Variants in SBSPON observed in about 807,000 individuals in gnomAD.
SBSPON encodes somatomedin-B and thrombospondin type-1 domain-containing protein.
SBSPON carries 30 observed loss-of-function variants against 35.8 expected under a neutral mutation model. The observed-to-expected ratio is 0.84, with a 90% CI of 0.63 to 1.14. The LOEUF is 1.14. Among genes scored for constraint, SBSPON ranks in the 50% most tolerant of loss-of-function variants. The pLI, the probability that SBSPON is intolerant of heterozygous loss-of-function variation, is 0.00. For missense variants in SBSPON, 364 were observed against 357.7 expected (o/e 1.02, Z -0.14); for synonymous variants, 136 against 135.9 (o/e 1.00, Z 0.00).
chr8:73,080,663 G>A (rs1029916175), intron 2 of SBSPON, among the ~76,000 whole-genome samples: 1 of 152,140 alleles, frequency 6.6e-6, no homozygotes, highest in African/African-American at 2.4e-5. Flanking sequence ...GACTCTTACT[G>A]TGCTGTGTGA....
At chr8:73,078,348 T>G (rs951351061) in intron 2 of SBSPON, among the ~76,000 whole-genome samples, 1 of 152,096 alleles carries the variant, frequency 6.6e-6, no homozygotes, top group Non-Finnish European at 1.5e-5. Flanking sequence ...GGGACCAAAG[T>G]CAGGACTGCA....
chr8:73,072,316 CAA>C (rs982802939), intron 2 of SBSPON, among the ~76,000 whole-genome samples: 1 of 151,640 alleles, frequency 6.6e-6, no homozygotes, highest in African/African-American at 2.4e-5. Context: ...AGAGAGAAGA[CAA>C]AAGAGAGTAA....
chr8:73,074,134 C>G (rs1810548151), intron 2 of SBSPON, among the ~76,000 whole-genome samples: 1 of 152,144 alleles, frequency 6.6e-6, no homozygotes, highest in Non-Finnish European at 1.5e-5. Context: ...CAATTTACTG[C>G]TAAATCCATG....
intron 1 of SBSPON, among the ~76,000 whole-genome samples, chr8:73,086,249 C>T (rs1810823459): frequency 1.3e-5 from 2 of 152,054 alleles, no homozygotes; most frequent in South Asian, 2.1e-4. Flanking sequence ...CAACCTCCGC[C>T]TCCTGAGTTC....
intron 2 of SBSPON, among the ~76,000 whole-genome samples, chr8:73,080,716 T>C (rs1339625434): frequency 2.0e-5 from 3 of 152,150 alleles, no homozygotes; most frequent in African/African-American, 7.2e-5. Flanking sequence ...CCAGCTTGAT[T>C]GAGTTCACTC....
Position 73,093,137 on chromosome 8 carries a change from G to A in SBSPON, c.-70C>T. 4.6e-6 allele frequency: 4 copies of A among 875,964 alleles called. No individual in the cohort carries two copies. Among genetic ancestry groups the A allele is most frequent in the Non-Finnish European group, 4.5e-6 (3 of 673,160 alleles). The allele number at this position is 875,964 out of a possible 1,614,324, so 54.3% of individuals were successfully genotyped here. On this transcript the variant is annotated 5_prime_UTR_variant, in exon 1 of 5. Coordinates refer to ENST00000297354, the MANE Select transcript of SBSPON (RefSeq NM_153225.4). ...CAAGCGCTCTGATCCTCGGCTGGCC[G>A]CGGCCCGGGAGCTGCCCGAGCGGCC... is the stretch of plus-strand genomic sequence containing the variant.
chr8:73,084,487 G>A (rs886776111), intron 1 of SBSPON, among the ~76,000 whole-genome samples: 5 of 152,128 alleles, frequency 3.3e-5, no homozygotes, highest in African/African-American at 7.2e-5. Flanking sequence ...CCTGGCATCT[G>A]CCTGACCTTC....
intron 2 of SBSPON, among the ~76,000 whole-genome samples, chr8:73,078,355 T>C (rs1810632909): frequency 6.6e-6 from 1 of 152,204 alleles, no homozygotes; most frequent in South Asian, 2.1e-4. Flanking sequence ...AAGTCAGGAC[T>C]GCAAATGCCA....
At chr8:73,086,352 G>A (rs925661449) in intron 1 of SBSPON, among the ~76,000 whole-genome samples, 1 of 151,984 alleles carries the variant, frequency 6.6e-6, no homozygotes, top group South Asian at 2.1e-4. Flanking sequence ...AGTAGAGATG[G>A]GGTTTTGCCA....
rs1025520977 is a variant in SBSPON, at chr8:73,064,665, C to T, written c.*2676G>A. ...TAAATTATTGCTGTTGCGGTTTATG[C>T]TTAATTGTAACATTCTCGAATAAAA... is the stretch of plus-strand genomic sequence containing the variant. On this transcript the variant is annotated 3_prime_UTR_variant, in exon 5 of 5. Transcript: ENST00000297354. 1 of 152,142 alleles carries T rather than the reference C, an allele frequency of 6.6e-6. No individual in the cohort carries two copies. The highest frequency in any genetic ancestry group is 2.4e-5 in the African/African-American group (1 of 41,428). The allele number at this position is 152,142 out of a possible 1,614,324, so 9.4% of individuals were successfully genotyped here. A position where few individuals can be genotyped will look rare whatever the true frequency, so the allele number is the denominator to read the frequency against.
At chr8:73,071,955 G>T in intron 2 of SBSPON, 85 bp from the exon 3 acceptor site, 1 of 792,094 alleles carries the variant, frequency 1.3e-6, no homozygotes. Flanking sequence ...ACCTGTCTAA[G>T]GGTCTCCATT....
At chr8:73,078,459 T>G (rs1391601232) in intron 2 of SBSPON, among the ~76,000 whole-genome samples, 1 of 152,206 alleles carries the variant, frequency 6.6e-6, no homozygotes, top group Non-Finnish European at 1.5e-5. Flanking sequence ...AGTACAGATA[T>G]GTTAAGACAC....
chr8:73,092,087 C>T (rs1810945778), intron 1 of SBSPON, among the ~76,000 whole-genome samples: 1 of 152,198 alleles, frequency 6.6e-6, no homozygotes, highest in Admixed American at 6.5e-5. Flanking sequence ...TTCAATTAAA[C>T]CAGCTTTTAT....
chr8:73,084,163 A>G (rs767780073), intron 1 of SBSPON, among the ~76,000 whole-genome samples: 1 of 152,228 alleles, frequency 6.6e-6, no homozygotes, highest in Non-Finnish European at 1.5e-5. Flanking sequence ...GTAGATTCAG[A>G]GTGCAAGAAA....
Position 73,069,956 on chromosome 8 carries a change from A to T in SBSPON, c.526T>A (p.Ser176Thr). Residue 176 changes from serine (S) to threonine (T), a missense_variant, in exon 4 of 5, where the codon TCC (serine) becomes ACC (threonine). By Grantham distance (58) the Ser-to-Thr change is moderately conservative. Transcript: ENST00000297354. The stretch of plus-strand genomic sequence containing the variant: ...TCCAGAGCACAGTGAGGAGTCAAGG[A>T]CTCTGTCTTAAACTCCATACAGTAT... ...AGYCMEFKTE[S>T]LTPHCALENW... 1 of 1,602,736 alleles carries T rather than the reference A, an allele frequency of 6.2e-7. No individual in the cohort carries two copies. The highest frequency in any genetic ancestry group is 8.5e-7 in the Non-Finnish European group (1 of 1,174,138).
At position 73,071,991 on chromosome 8, in the gene SBSPON, C is replaced by A. The variant is rs1810502332; in HGVS notation, c.410-121G>T. On this transcript the variant is annotated intron_variant, in intron 2 of 4. Coordinates refer to ENST00000297354, the MANE Select transcript of SBSPON (RefSeq NM_153225.4). ...CCTAAACTCACAGGGCTACGGCACA[C>A]CATCAAGGTGTGAAATGAGGCCAAG... The A allele has an allele frequency of 1.8e-5, 12 of 660,180 alleles. No individual in the cohort carries two copies. In the Admixed American group the frequency reaches 2.9e-4, roughly 16 times the overall value. 40.9% of individuals were successfully genotyped at this position (660,180 alleles called of 1,614,324 possible). A position where few individuals can be genotyped will look rare whatever the true frequency, so the allele number is the denominator to read the frequency against.
At chr8:73,071,341 C>T (rs1810489241) in intron 3 of SBSPON, among the ~76,000 whole-genome samples, 1 of 152,148 alleles carries the variant, frequency 6.6e-6, no homozygotes, top group African/African-American at 2.4e-5. Context: ...TATCTGACAG[C>T]AGAAGAATGG....
At chr8:73,092,781 G>A in intron 1 of SBSPON, 73 bp downstream of exon 1, 5 of 1,230,296 alleles carry the variant, frequency 4.1e-6, no homozygotes, top group Non-Finnish European at 4.7e-6. Context: ...GAGGTCCTTG[G>A]CACAGCGCCC....
At chr8:73,077,558 A>C (rs1264294553) in intron 2 of SBSPON, among the ~76,000 whole-genome samples, 4 of 152,222 alleles carry the variant, frequency 2.6e-5, no homozygotes, top group Admixed American at 2.6e-4. Context: ...TATGTTTGTT[A>C]ATCAAGTTTG....
Sources: gnomAD v4.1 joint callset for allele counts (sites outside exome capture counted in the v4.1 genomes callset) on GRCh38, gnomAD v4.1.1 for gene constraint, MANE v1.5 for transcripts, NCBI Gene and HGNC (gene_info 2026-07-23, HGNC 2026-07-21) for gene names.